The following TUT4 variants were observed in gnomAD, a reference collection of about 807,000 sequenced individuals.
TUT4 encodes terminal uridylyltransferase 4.
A neutral mutation model predicts 192.2 loss-of-function variants in TUT4; 36 were observed. That is an observed-to-expected ratio of 0.19 (90% CI 0.14 to 0.25). The LOEUF (loss-of-function observed/expected upper bound fraction) is 0.25. Among genes scored for constraint, TUT4 ranks in the 10% least tolerant of loss-of-function variants. The probability of loss-of-function intolerance (pLI) is 1.00; values close to 1 mark genes in which losing one functional copy is unlikely to be tolerated. For missense variants in TUT4, 1,493 were observed against 1,957.2 expected (o/e 0.76, Z 4.47); for synonymous variants, 618 against 666.0 (o/e 0.93, Z 1.11).
chr1:52,513,369 G>A (rs954689464), intron 3 of TUT4, among the ~76,000 whole-genome samples: 3 of 129,012 alleles, frequency 2.3e-5, no homozygotes, highest in African/African-American at 1.1e-4. Context: ...ATTCAGCCTG[G>A]GCAACCAGAA....
At chr1:52,467,499 G>A (rs954135631) in intron 15 of TUT4, among the ~76,000 whole-genome samples, 2 of 151,942 alleles carry the variant, frequency 1.3e-5, no homozygotes, top group Non-Finnish European at 2.9e-5. Flanking sequence ...TCCCAAATCT[G>A]ACCACTTCTC....
intron 28 of TUT4, among the ~76,000 whole-genome samples, chr1:52,426,732 G>C (rs964640128): frequency 1.3e-5 from 2 of 152,096 alleles, no homozygotes; most frequent in South Asian, 2.1e-4. Context: ...CCAGAATTAG[G>C]TCATAACCAA....
At chr1:52,468,917 A>G (rs1335180180) in intron 14 of TUT4, among the ~76,000 whole-genome samples, 3 of 152,336 alleles carry the variant, frequency 2.0e-5, no homozygotes, top group Non-Finnish European at 4.4e-5. Context: ...ACTTATCCCC[A>G]AAAGTTAACA....
At chr1:52,551,581 GAATC>G (rs1689440740) in intron 1 of TUT4, among the ~76,000 whole-genome samples, 1 of 152,222 alleles carries the variant, frequency 6.6e-6, no homozygotes, top group Admixed American at 6.5e-5. Flanking sequence ...CTTTTTAAGA[GAATC>G]AATATTTCAT....
intron 1 of TUT4, among the ~76,000 whole-genome samples, chr1:52,536,979 C>T (rs1449691836): frequency 1.3e-5 from 2 of 152,198 alleles, no homozygotes; most frequent in African/African-American, 4.8e-5. Flanking sequence ...CCCTGGCTAA[C>T]ACGGTGAAAC....
chr1:52,424,013 C>T lies in TUT4; in HGVS notation c.4871-11G>A, dbSNP rs1271677555. 8 of 1,604,888 alleles carry T rather than the reference C, an allele frequency of 5.0e-6. No individual in the cohort carries two copies. Among genetic ancestry groups the T allele is most frequent in the Non-Finnish European group, 6.8e-6 (8 of 1,175,690 alleles). Reference sequence around the variant, plus strand: ...GGGTGGCACATCTGTCTGTTGGATACAACACAGACAGGAAACTGAAAGGCT... The same window carrying T: ...GGGTGGCACATCTGTCTGTTGGATATAACACAGACAGGAAACTGAAAGGCT... On this transcript the variant is annotated splice_polypyrimidine_tract_variant and intron_variant, in intron 29 of 29. Coordinates refer to ENST00000257177, the MANE Select transcript of TUT4 (RefSeq NM_001009881.3).
intron 2 of TUT4, among the ~76,000 whole-genome samples, chr1:52,522,721 T>A (rs1680604580): frequency 6.6e-6 from 1 of 151,608 alleles, no homozygotes; most frequent in African/African-American, 2.4e-5. Flanking sequence ...AGGTCAGGAG[T>A]CTGAGATCAG....
intron 2 of TUT4, among the ~76,000 whole-genome samples, chr1:52,524,711 C>T (rs1390381992): frequency 6.6e-6 from 1 of 151,892 alleles, no homozygotes; most frequent in Non-Finnish European, 1.5e-5. Context: ...GAGGCTGAGA[C>T]AGAATTGCTT....
chr1:52,489,085 A>G, intron 8 of TUT4, 50 bp from the exon 9 acceptor site: 1 of 1,528,270 alleles, frequency 6.5e-7, no homozygotes, highest in Non-Finnish European at 8.8e-7. Context: ...CCTTAAAAGC[A>G]GAATACTTCA....
intron 20 of TUT4, among the ~76,000 whole-genome samples, chr1:52,447,593 T>C (rs1457152966): frequency 6.6e-6 from 1 of 152,054 alleles, no homozygotes; most frequent in East Asian, 1.9e-4. Context: ...AAAAAAACGC[T>C]ATTTTTACAA....
intron 1 of TUT4, among the ~76,000 whole-genome samples, chr1:52,528,671 T>G (rs967706698): frequency 2.0e-5 from 3 of 152,082 alleles, no homozygotes; most frequent in Non-Finnish European, 4.4e-5. Flanking sequence ...ATCTTTGATT[T>G]TACTTGGTTG....
chr1:52,538,468 G>C (rs1685569055), intron 1 of TUT4: 1 of 151,706 alleles, frequency 6.6e-6, no homozygotes, highest in South Asian at 2.1e-4. Context: ...TTTTAGACCA[G>C]CCTAGGCAAC....
intron 11 of TUT4, among the ~76,000 whole-genome samples, 171 bp from the exon 12 acceptor site, chr1:52,478,053 C>A (rs1466340442): frequency 6.6e-6 from 1 of 152,148 alleles, no homozygotes; most frequent in Non-Finnish European, 1.5e-5. Flanking sequence ...TCCCAGTTTA[C>A]TGACTCCTAG....
intron 28 of TUT4, among the ~76,000 whole-genome samples, chr1:52,428,262 CG>C (rs1463560207): frequency 2.6e-5 from 4 of 152,058 alleles, no homozygotes; most frequent in African/African-American, 9.7e-5. Flanking sequence ...CCAAGGCAGG[CG>C]GATCATGAGG....
At chr1:52,539,402 C>T (rs1338574708) in intron 1 of TUT4, among the ~76,000 whole-genome samples, 1 of 152,022 alleles carries the variant, frequency 6.6e-6, no homozygotes, top group Non-Finnish European at 1.5e-5. Flanking sequence ...ATGACAATGA[C>T]AGATAAGAAA....
chr1:52,516,725 T>A (rs1678808858), intron 2 of TUT4, among the ~76,000 whole-genome samples: 1 of 152,220 alleles, frequency 6.6e-6, no homozygotes, highest in Non-Finnish European at 1.5e-5. Flanking sequence ...TTAAAACACA[T>A]AAATGGCTTT....
intron 1 of TUT4, among the ~76,000 whole-genome samples, chr1:52,541,357 C>T (rs963564122): frequency 6.6e-6 from 1 of 151,932 alleles, no homozygotes; most frequent in Non-Finnish European, 1.5e-5. Context: ...TGTGGTGAAA[C>T]CCCATCTCTA....
At chr1:52,536,951 G>A (rs1239202281) in intron 1 of TUT4, among the ~76,000 whole-genome samples, 1 of 152,168 alleles carries the variant, frequency 6.6e-6, no homozygotes, top group African/African-American at 2.4e-5. Context: ...GGATCATGAG[G>A]TCAGGAGATC....
intron 2 of TUT4, among the ~76,000 whole-genome samples, chr1:52,519,578 C>T (rs1679671584): frequency 6.6e-6 from 1 of 151,270 alleles, no homozygotes; most frequent in Non-Finnish European, 1.5e-5. Flanking sequence ...GGTGCAATCT[C>T]GGCTCACTGC....
Sources: gnomAD v4.1 joint callset for allele counts (sites outside exome capture counted in the v4.1 genomes callset) on GRCh38, gnomAD v4.1.1 for gene constraint, MANE v1.5 for transcripts, NCBI Gene and HGNC (gene_info 2026-07-23, HGNC 2026-07-21) for gene names.